Variants in SPTBN1 observed in about 807,000 individuals in gnomAD.
SPTBN1 encodes the protein spectrin beta, non-erythrocytic 1, also known as spectrin beta chain, non-erythrocytic 1.
SPTBN1 carries 32 observed loss-of-function variants against 266.4 expected under a neutral mutation model. The ratio of observed to expected loss-of-function variants is 0.12; its 90% CI spans 0.09 to 0.16. The LOEUF (loss-of-function observed/expected upper bound fraction) is 0.16, where lower values mean the gene tolerates loss of function less well. SPTBN1 is among the 10% of genes least tolerant of loss of function. The pLI is 1.00. For synonymous variants in SPTBN1, 1,336 were observed against 1,162.2 expected, an observed-to-expected ratio of 1.15 and a Z score of -3.04; for missense variants, 2,296 against 3,067.1, an observed-to-expected ratio of 0.75 and a Z score of 5.94.
intron 2 of SPTBN1, chr2:54,529,565 T>C: frequency 1.4e-6 from 1 of 715,820 alleles, no homozygotes; most frequent in Non-Finnish European, 2.6e-6. Flanking sequence ...GCTTGACCAC[T>C]ATGCTATCAT....
intron 1 of SPTBN1, among the ~76,000 whole-genome samples, chr2:54,506,890 C>CTTT (rs1669591270): frequency 9.6e-5 from 1 of 10,416 alleles, no homozygotes; most frequent in Non-Finnish European, 1.5e-4. Context: ...ATCTGGTTCT[C>CTTT]TCTCTTTTTT....
At chr2:54,539,895 A>G (rs1200031751) in intron 2 of SPTBN1, among the ~76,000 whole-genome samples, 1 of 152,090 alleles carries the variant, frequency 6.6e-6, no homozygotes, top group Non-Finnish European at 1.5e-5. Flanking sequence ...CTCCCACTCA[A>G]ACTCATATGG....
At chr2:54,632,421 C>T (rs1678813181) in intron 16 of SPTBN1, 145 bp from the exon 17 acceptor site, 4 of 931,720 alleles carry the variant, frequency 4.3e-6, no homozygotes, top group Non-Finnish European at 6.3e-6. Context: ...TTTTTTTCCT[C>T]CTAACTTTTA....
At chr2:54,666,647 C>G (rs1308441115) in intron 34 of SPTBN1, among the ~76,000 whole-genome samples, 4 of 152,204 alleles carry the variant, frequency 2.6e-5, no homozygotes, top group African/African-American at 9.6e-5. Context: ...ATGTATCTCC[C>G]TACAGAGTGG....
intron 1 of SPTBN1, among the ~76,000 whole-genome samples, chr2:54,506,296 C>T (rs533937342): frequency 3.3e-5 from 5 of 152,266 alleles, no homozygotes; most frequent in African/African-American, 7.2e-5. Context: ...GTCCCAGAGC[C>T]GGCACCCTTG....
At chr2:54,579,644 C>G (rs1184359720) in intron 2 of SPTBN1, among the ~76,000 whole-genome samples, 1 of 152,194 alleles carries the variant, frequency 6.6e-6, no homozygotes, top group Non-Finnish European at 1.5e-5. Context: ...AGATATATTG[C>G]TGCATGGAGT....
chr2:54,601,112 C>A (rs1216166743), intron 3 of SPTBN1, among the ~76,000 whole-genome samples: 1 of 152,060 alleles, frequency 6.6e-6, no homozygotes, highest in Non-Finnish European at 1.5e-5. Context: ...ACCCAGAGAC[C>A]TAGGAGAGTA....
At position 54,645,017 on chromosome 2, in the gene SPTBN1, G is replaced by A. The variant is rs1003721265; in HGVS notation, c.4270-212G>A. The A allele has an allele frequency of 7.2e-5, 42 of 583,656 alleles. No homozygotes were observed. The highest frequency in any genetic ancestry group is 9.3e-5 in the African/African-American group (5 of 53,748). 36.2% of individuals were successfully genotyped at this position (583,656 alleles called of 1,614,324 possible). Reference sequence around the variant, plus strand: ...AAATAACTGTTTATATTATATCACCGTAGAGGGCTTTAAGGGCAAATGAAT... The same window carrying A: ...AAATAACTGTTTATATTATATCACCATAGAGGGCTTTAAGGGCAAATGAAT... On this transcript the variant is annotated intron_variant, in intron 20 of 35. Transcript: ENST00000356805. The surrounding 1 kb of genome is among the most constrained non-coding windows in gnomAD (Gnocchi z 4.3).
rs1678840654 is a variant in SPTBN1 at position 54,632,773 on chromosome 2, A to T, written c.3767+5A>T. The T allele has an allele frequency of 4.3e-6, 7 of 1,613,980 alleles. No homozygotes were observed. Among genetic ancestry groups the T allele is most frequent in the Non-Finnish European group, 5.9e-6 (7 of 1,179,972 alleles). ...GGTGGACTCTATTGATGACAGGTAC[A>T]GTTTTCTGAGGTTCTTAAGGGAGCC... On this transcript the variant is annotated splice_donor_5th_base_variant and intron_variant, in intron 17 of 35. Transcript: ENST00000356805.
Position 54,629,404 on chromosome 2 carries a change from A to G in SPTBN1, c.2270A>G (p.Asp757Gly). Residue 757 changes from aspartate (D) to glycine (G), a missense_variant, in exon 14 of 36, where the codon GAT becomes GGT. This residue lies in a region of SPTBN1 where 434 missense variants were observed against 573.9 expected (regional missense o/e 0.76). Coordinates refer to ENST00000356805, the MANE Select transcript of SPTBN1 (RefSeq NM_003128.3). ...TTCCAGGCAGATGCTGATGACATTG[A>G]TGCCTGGATGCTGGACATCCTCAAG... ...HQFQADADDI[D>G]AWMLDILKIV... is the part of the protein sequence containing the mutation. The G allele has an allele frequency of 6.2e-7, 1 of 1,614,136 alleles. No homozygotes were observed. Among genetic ancestry groups the G allele is most frequent in the Non-Finnish European group, 8.5e-7 (1 of 1,180,034 alleles).
intron 2 of SPTBN1, among the ~76,000 whole-genome samples, chr2:54,589,118 CTTA>C (rs1160976541): frequency 1.3e-5 from 2 of 152,126 alleles, no homozygotes; most frequent in Non-Finnish European, 2.9e-5. Flanking sequence ...GTACAATTAA[CTTA>C]TTATTGATTA....
In SPTBN1 at chr2:54,653,776, C is replaced by T; in HGVS notation, c.5745C>T (p.Arg1915=). 1 of 1,614,242 alleles carries T rather than the reference C, an allele frequency of 6.2e-7. No individual in the cohort carries two copies. The highest frequency in any genetic ancestry group is 8.5e-7 in the Non-Finnish European group (1 of 1,180,042). Residue 1915 remains arginine (R), a synonymous_variant, in exon 27 of 36, where the codon CGC becomes CGT. Coordinates refer to ENST00000356805, the MANE Select transcript of SPTBN1 (RefSeq NM_003128.3). This position sits in a 1 kb window ranked among gnomAD's most constrained non-coding sequence, Gnocchi z 5.1. Reference sequence around the variant, plus strand: ...TGGTGGACACAGGGGACAAGTTCCGCTTCTTCAGCATGGTGCGCGACCTCA... The same window carrying T: ...TGGTGGACACAGGGGACAAGTTCCGTTTCTTCAGCATGGTGCGCGACCTCA... ...VRLVDTGDKF[R]FFSMVRDLML... is the part of the protein sequence containing the mutation.
chr2:54,570,321 G>C (rs1673969829), intron 2 of SPTBN1, among the ~76,000 whole-genome samples: 1 of 152,310 alleles, frequency 6.6e-6, no homozygotes, highest in African/African-American at 2.4e-5. Flanking sequence ...GGAGACACAG[G>C]CTGGCCTATA....
chr2:54,578,455 AGCTGCT>A (rs147088727), intron 2 of SPTBN1, among the ~76,000 whole-genome samples: 3 of 152,194 alleles, frequency 2.0e-5, no homozygotes, highest in South Asian at 4.1e-4. Context: ...GTTTCCGGTT[AGCTGCT>A]GCTGCTGCTG....
At chr2:54,609,106 G>A (rs1454816500) in intron 3 of SPTBN1, among the ~76,000 whole-genome samples, 1 of 152,162 alleles carries the variant, frequency 6.6e-6, no homozygotes. Flanking sequence ...GGGACACTTG[G>A]TGTAACTTTA....
chr2:54,660,724 T>C (rs762000258), intron 32 of SPTBN1: 9 of 985,482 alleles, frequency 9.1e-6, no homozygotes, highest in Non-Finnish European at 1.1e-5. Context: ...TCTTTTTTTC[T>C]GCCAAGTCCT....
chr2:54,637,851 T>C (rs776207245), intron 18 of SPTBN1, 48 bp downstream of exon 18: 1 of 1,465,416 alleles, frequency 6.8e-7, no homozygotes, highest in African/African-American at 1.4e-5. Flanking sequence ...GTAATAGCAA[T>C]TGCCAGCCAG....
chr2:54,568,952 T>C (rs1673860339), intron 2 of SPTBN1, among the ~76,000 whole-genome samples: 1 of 152,256 alleles, frequency 6.6e-6, no homozygotes, highest in South Asian at 2.1e-4. Flanking sequence ...TTGGTTAGAC[T>C]TCAGTCTAGT....
intron 34 of SPTBN1, 145 bp downstream of exon 34, chr2:54,666,233 G>C (rs1024462026): frequency 2.2e-6 from 2 of 890,888 alleles, no homozygotes; most frequent in Admixed American, 3.1e-5. Flanking sequence ...AACCAGTTTG[G>C]CACGTGTCTC....
Sources: gnomAD v4.1 joint callset for allele counts (sites outside exome capture counted in the v4.1 genomes callset) on GRCh38, gnomAD v4.1.1 for gene constraint, gnomAD v4.1.1 regional missense constraint, Gnocchi (gnomAD v3.1) non-coding constraint, MANE v1.5 for transcripts, NCBI Gene and HGNC (gene_info 2026-07-23, HGNC 2026-07-21) for gene names.